STMN1: variants seen among roughly 807,000 people sequenced by gnomAD.
STMN1 encodes the protein stathmin 1, also known as stathmin.
In STMN1, 3 loss-of-function variants were observed where a neutral mutation model predicts 19.7. The observed-to-expected ratio is 0.15, with a 90% CI of 0.07 to 0.39. The LOEUF (loss-of-function observed/expected upper bound fraction) is 0.39. Ranked by LOEUF, STMN1 falls within the 10% of genes least tolerant of loss-of-function variation. The probability of loss-of-function intolerance (pLI) is 1.00; values close to 1 mark genes in which losing one functional copy is unlikely to be tolerated. For missense variants in STMN1, 99 were observed against 176.0 expected (o/e 0.56, Z 2.48); for synonymous variants, 59 against 58.9 (o/e 1.00, Z -0.01).
At chr1:25,898,977 G>A (rs1312256777), downstream of STMN1, among the ~76,000 whole-genome samples, 6 of 152,146 alleles carry the variant, frequency 3.9e-5, no homozygotes, top group African/African-American at 1.4e-4. Flanking sequence ...AGAAAATGGG[G>A]GCCCAGGACT....
rs866252032 is a variant in STMN1 at position 25,890,569 on chromosome 1, G to A, written c.379-4700C>T. On this transcript the variant is annotated intron_variant, in intron 4 of 4. Coordinates refer to the STMN1 transcript ENST00000426559. ...AAGAATAAATGTTAATTACCTACAGGTTGTGTTGGCTCCAGGTTTCCGGCA... is the reference window on the plus strand; with the variant it reads ...AAGAATAAATGTTAATTACCTACAGATTGTGTTGGCTCCAGGTTTCCGGCA... 7.9e-5 allele frequency among the ~76,000 whole-genome samples: 12 copies of A among 152,342 alleles called. No homozygotes were observed. In the South Asian group the frequency reaches 2.5e-3, roughly 32 times the overall value.
At position 25,903,467 on chromosome 1, in the gene STMN1, G is replaced by A. The variant is rs2048898552; in HGVS notation, c.186+174C>T. The A allele has an allele frequency of 5.1e-6, 4 of 784,304 alleles. No individual in the cohort carries two copies. In the South Asian group the frequency reaches 7.3e-5, roughly 14 times the overall value. The allele number at this position is 784,304 out of a possible 1,614,324, so 48.6% of individuals were successfully genotyped here. Reference sequence around the variant, plus strand: ...TTAAAGGAGAAAAATATAAACAAAGGAGCGGGCATGTAACAGGAGTTCAAT... The same window carrying A: ...TTAAAGGAGAAAAATATAAACAAAGAAGCGGGCATGTAACAGGAGTTCAAT... On this transcript the variant is annotated intron_variant, in intron 3 of 4. Transcript: ENST00000455785.
chr1:25,901,716 A>G, intron 3 of STMN1, 34 bp from the exon 4 acceptor site: 1 of 1,580,498 alleles, frequency 6.3e-7, no homozygotes, highest in Non-Finnish European at 8.6e-7. Flanking sequence ...TAGGCACTCT[A>G]AAATGTATTC....
rs372963145 is a variant in STMN1, at chr1:25,901,647, C to A, written c.222G>T (p.Glu74Asp). 2 of 1,612,798 alleles carry A rather than the reference C, an allele frequency of 1.2e-6. No homozygotes were observed. The highest frequency in any genetic ancestry group is 4.5e-5 in the East Asian group (2 of 44,870). Residue 74 changes from glutamate (E) to aspartate (D), a missense_variant, in exon 4 of 5, where the codon GAG becomes GAT. By Grantham distance (45) the Glu-to-Asp change is conservative. Transcript: ENST00000455785. ...GCACTTCTTTCTCGTGCTCTCGTTT[C>A]TCAGCCAGCTGCTTCAAGACCTCAG... The part of the protein sequence containing the change: ...HEAEVLKQLA[E>D]KREHEKEVLQ...
chr1:25,887,432 G>A, intron 4 of STMN1: 1 of 376,418 alleles, frequency 2.7e-6, no homozygotes, highest in South Asian at 2.5e-5. Flanking sequence ...GAAACAAAGT[G>A]GGGAATGGAG....
downstream of STMN1, among the ~76,000 whole-genome samples, chr1:25,896,025 C>A (rs2048815713): frequency 6.6e-6 from 1 of 152,192 alleles, no homozygotes; most frequent in Non-Finnish European, 1.5e-5. Flanking sequence ...GTGAATGTGA[C>A]AGGAGGAGTC....
Position 25,900,675 on chromosome 1 carries a change from AAAG to A in STMN1, c.*338_*340del. 1 of 1,037,306 alleles carries A rather than the reference AAAG, an allele frequency of 9.6e-7. No individual in the cohort carries two copies. The highest frequency in any genetic ancestry group is 1.2e-6 in the Non-Finnish European group (1 of 863,614). The allele number at this position is 1,037,306 out of a possible 1,614,324, so 64.3% of individuals were successfully genotyped here. On this transcript the variant is annotated 3_prime_UTR_variant, in exon 5 of 5. Coordinates refer to ENST00000455785, the MANE Select transcript of STMN1 (RefSeq NM_005563.4). ...CAGATATTCAGCATCTAACAGTTCA[AAAG>A]AAGCCACTACATACTCTTTTCACAA...
At chr1:25,891,200 G>A (rs1197100008) in intron 4 of STMN1, among the ~76,000 whole-genome samples, 1 of 151,996 alleles carries the variant, frequency 6.6e-6, no homozygotes, top group Non-Finnish European at 1.5e-5. Context: ...GGGCATGGTG[G>A]CAGGCACCTG....
chr1:25,898,428 A>T (rs1221307597), downstream of STMN1, among the ~76,000 whole-genome samples: 2 of 152,108 alleles, frequency 1.3e-5, no homozygotes, highest in African/African-American at 4.8e-5. Context: ...CGAGAGCCTC[A>T]CCCTCAGGTA....
intron 4 of STMN1, chr1:25,887,594 G>A (rs912909293): frequency 8.4e-6 from 2 of 236,712 alleles, no homozygotes; most frequent in East Asian, 2.1e-4. Context: ...AGAAAAGGAA[G>A]AAAATGGGGG....
rs1366955594 is a variant in STMN1, at chr1:25,906,314, C to A, written c.-63+75G>T. ...CTGCAGCAGGGGGTCGCTGCCACGG[C>A]CCAGCCCCTCCCGCCGACCGCGTCC... On this transcript the variant is annotated intron_variant, in intron 1 of 4. Coordinates refer to ENST00000455785, the MANE Select transcript of STMN1 (RefSeq NM_005563.4). The surrounding 1 kb of genome is among the most constrained non-coding windows in gnomAD (Gnocchi z 4.5). 6.6e-6 allele frequency: 1 copy of A among 150,948 alleles called. No homozygotes were observed. The highest frequency in any genetic ancestry group is 1.5e-5 in the Non-Finnish European group (1 of 68,076). 9.4% of individuals were successfully genotyped at this position (150,948 alleles called of 1,614,324 possible).
chr1:25,892,147 C>G (rs538381701), intron 4 of STMN1, among the ~76,000 whole-genome samples: 1 of 152,130 alleles, frequency 6.6e-6, no homozygotes, highest in African/African-American at 2.4e-5. Flanking sequence ...CCCAGCACTT[C>G]GGGAGGCCGA....
rs141976910 is a variant in STMN1, at chr1:25,900,397, GA to G, written c.*618del. The stretch of plus-strand genomic sequence containing the variant: ...GCATCCAAACAAAGCAGTCATTGTG[GA>G]AGGAGACAATGCAAACCACACTGGG... On this transcript the variant is annotated 3_prime_UTR_variant, in exon 5 of 5. Transcript: ENST00000455785. The G allele has an allele frequency of 3.3e-3, 3,242 of 985,832 alleles. 83 individuals carry two copies. The African/African-American group carries it at 0.051, about 15-fold the overall frequency. The allele number at this position is 985,832 out of a possible 1,614,324, so 61.1% of individuals were successfully genotyped here.
At chr1:25,891,362 G>A (rs2048774046) in intron 4 of STMN1, among the ~76,000 whole-genome samples, 3 of 151,566 alleles carry the variant, frequency 2.0e-5, no homozygotes, top group Admixed American at 2.0e-4. Context: ...GATGGATTAT[G>A]TAAAATGCCT....
At position 25,900,876 on chromosome 1, in the gene STMN1, T is replaced by G; in HGVS notation, c.*140A>C. On this transcript the variant is annotated 3_prime_UTR_variant, in exon 5 of 5. Coordinates refer to ENST00000455785, the MANE Select transcript of STMN1 (RefSeq NM_005563.4). Reference sequence around the variant, plus strand: ...TAGCCCCTAAAACAACATCTTACAGTCTGGATCTGGATCTACCTATACAGT... The same window carrying G: ...TAGCCCCTAAAACAACATCTTACAGGCTGGATCTGGATCTACCTATACAGT... The G allele has an allele frequency of 1.4e-6, 2 of 1,457,234 alleles. No individual in the cohort carries two copies. The highest frequency in any genetic ancestry group is 1.8e-6 in the Non-Finnish European group (2 of 1,104,730). 90.3% of individuals were successfully genotyped at this position (1,457,234 alleles called of 1,614,324 possible).
intron 4 of STMN1, chr1:25,892,597 CTGAGATTCT>C (rs1255531529): frequency 1.0e-6 from 1 of 985,278 alleles, no homozygotes; most frequent in Non-Finnish European, 1.2e-6. Flanking sequence ...CCAGCTGGAG[CTGAGATTCT>C]TGAGATTCTA....
downstream of STMN1, among the ~76,000 whole-genome samples, chr1:25,897,041 G>A (rs1006954068): frequency 3.9e-5 from 6 of 152,158 alleles, no homozygotes; most frequent in African/African-American, 9.7e-5. Context: ...CTTGCCAGGC[G>A]CGGTGGCTCA....
intron 2 of STMN1, among the ~76,000 whole-genome samples, chr1:25,904,311 G>C (rs1290508152): frequency 6.6e-6 from 1 of 152,082 alleles, no homozygotes; most frequent in Admixed American, 6.6e-5. Context: ...TGGGCAACAA[G>C]GTGAGACCCT....
At chr1:25,888,988 T>A in intron 4 of STMN1, 2 of 481,998 alleles carry the variant, frequency 4.1e-6, no homozygotes, top group South Asian at 3.2e-5. Flanking sequence ...TCACAAGACT[T>A]CCTGGTCAAG....
Sources: allele counts gnomAD v4.1 joint callset (sites outside exome capture counted in the v4.1 genomes callset), GRCh38; gene constraint gnomAD v4.1.1; non-coding constraint Gnocchi (gnomAD v3.1); transcripts MANE v1.5; gene names NCBI Gene and HGNC (gene_info 2026-07-23, HGNC 2026-07-21).